Variants in ABL1 observed in about 807,000 individuals in gnomAD.
The protein encoded by ABL1 is ABL proto-oncogene 1, non-receptor tyrosine kinase.
ABL1 carries 11 observed loss-of-function variants against 94.7 expected under a neutral mutation model. The ratio of observed to expected loss-of-function variants is 0.12; its 90% CI spans 0.07 to 0.19. The LOEUF is 0.19. Among genes scored for constraint, ABL1 ranks in the 10% least tolerant of loss-of-function variants. The pLI, the probability that ABL1 is intolerant of heterozygous loss-of-function variation, is 1.00. For missense variants in ABL1, 1,082 were observed against 1,489.4 expected, an observed-to-expected ratio of 0.73 and a Z score of 4.50; for synonymous variants, 656 against 622.4, an observed-to-expected ratio of 1.05 and a Z score of -0.80.
At chr9:130,875,164 C>T (rs764192941) in intron 7 of ABL1, 112 bp downstream of exon 7, 19 of 1,194,616 alleles carry the variant, frequency 1.6e-5, no homozygotes, top group East Asian at 1.5e-4. Context: ...TTTTTTGAGA[C>T]GGAGTCTCAC....
intron 1 of ABL1, among the ~76,000 whole-genome samples, chr9:130,735,878 C>T (rs1277425140): frequency 1.6e-5 from 2 of 128,390 alleles, no homozygotes; most frequent in African/African-American, 6.5e-5. Context: ...TACCATTTTG[C>T]GTATGTCTGT....
At chr9:130,748,274 C>T (rs929099967) in intron 1 of ABL1, among the ~76,000 whole-genome samples, 4 of 152,164 alleles carry the variant, frequency 2.6e-5, no homozygotes, top group South Asian at 4.1e-4. Context: ...AAGCAGATCA[C>T]GCCTTTGTCG....
intron 1 of ABL1, among the ~76,000 whole-genome samples, chr9:130,717,167 T>C (rs1394849943): frequency 2.0e-5 from 3 of 151,960 alleles, no homozygotes; most frequent in Non-Finnish European, 4.4e-5. Context: ...CTCAGCCTCC[T>C]GAGTAGCTGG....
chr9:130,822,523 C>T (rs920057392), intron 1 of ABL1, among the ~76,000 whole-genome samples: 3 of 149,356 alleles, frequency 2.0e-5, no homozygotes, highest in African/African-American at 7.5e-5. Context: ...CTCAAGTGCT[C>T]CTCCCTAGTA....
At chr9:130,867,445 A>T (rs753394353) in intron 4 of ABL1, among the ~76,000 whole-genome samples, 3 of 152,156 alleles carry the variant, frequency 2.0e-5, no homozygotes, top group Admixed American at 6.5e-5. Flanking sequence ...CCTCATTTGC[A>T]TGTATGTGAA....
At chr9:130,839,625 C>T (rs1042458788) in intron 1 of ABL1, among the ~76,000 whole-genome samples, 1 of 152,192 alleles carries the variant, frequency 6.6e-6, no homozygotes, top group Non-Finnish European at 1.5e-5. Flanking sequence ...AATTTGGAGG[C>T]AGGAGATCCC....
At chr9:130,756,540 T>C (rs1319472697) in intron 1 of ABL1, among the ~76,000 whole-genome samples, 1 of 152,192 alleles carries the variant, frequency 6.6e-6, no homozygotes, top group Non-Finnish European at 1.5e-5. Context: ...GAGCTCTGTT[T>C]TACTCTGACA....
At position 130,835,769 on chromosome 9, in the gene ABL1, CTT is replaced by C. The variant is rs1274812301; in HGVS notation, c.79+246_79+247del. Among the ~76,000 whole-genome samples, 3 of 152,166 alleles carry C rather than the reference CTT, an allele frequency of 2.0e-5. No homozygotes were observed. Among genetic ancestry groups the C allele is most frequent in the Admixed American group, 1.3e-4 (2 of 15,280 alleles). On this transcript the variant is annotated intron_variant, in intron 1 of 10. Transcript: ENST00000318560. This position sits in a 1 kb window ranked among gnomAD's most constrained non-coding sequence, Gnocchi z 4.6. ...TCTCTCTTTTTCTCTCTCTCTGTCT[CTT>C]TCTCTTTCTCGCGATGGCCCCTAGG...
intron 1 of ABL1, among the ~76,000 whole-genome samples, chr9:130,718,254 G>T (rs1284907037): frequency 6.8e-6 from 1 of 146,840 alleles, no homozygotes; most frequent in Admixed American, 7.0e-5. Flanking sequence ...GGGGGAAGAG[G>T]TTGCAGTGAC....
At chr9:130,878,090 G>A (rs1447048930) in intron 7 of ABL1, among the ~76,000 whole-genome samples, 1 of 152,204 alleles carries the variant, frequency 6.6e-6, no homozygotes, top group African/African-American at 2.4e-5. Context: ...TGGGATTACA[G>A]GTGTGAGCCA....
chr9:130,878,950 T>C (rs1209549225), intron 8 of ABL1, among the ~76,000 whole-genome samples: 1 of 150,590 alleles, frequency 6.6e-6, no homozygotes. Flanking sequence ...CAATGTTGGC[T>C]CACTTCAACC....
rs1341109124 is a variant in ABL1 at position 130,878,718 on chromosome 9, A to G, written c.1423+151A>G. 4.3e-6 allele frequency: 4 copies of G among 932,914 alleles called. No individual in the cohort carries two copies. In the East Asian group the frequency reaches 7.6e-5, roughly 18 times the overall value. 57.8% of individuals were successfully genotyped at this position (932,914 alleles called of 1,614,324 possible). On this transcript the variant is annotated intron_variant, in intron 8 of 10. Transcript: ENST00000318560. ...CAGCTAATGTAGCCATTTGCTACCT[A>G]TTGACCTTTATTTACAGATAAATAG...
At chr9:130,774,318 G>C (rs181438123) in intron 1 of ABL1, among the ~76,000 whole-genome samples, 3 of 152,118 alleles carry the variant, frequency 2.0e-5, no homozygotes, top group Admixed American at 1.3e-4. Flanking sequence ...TTTTCCTTTG[G>C]GTAAATAGGA....
chr9:130,757,634 G>A (rs189204086), intron 1 of ABL1, among the ~76,000 whole-genome samples: 23 of 150,678 alleles, frequency 1.5e-4, no homozygotes, highest in Admixed American at 1.4e-3. Flanking sequence ...CGCCTCCTGG[G>A]TTCAAGTGAT....
chr9:130,873,499 AGT>A (rs1163302941), intron 6 of ABL1, among the ~76,000 whole-genome samples: 2 of 152,056 alleles, frequency 1.3e-5, no homozygotes, highest in African/African-American at 2.4e-5. Context: ...TTTGTTTTTT[AGT>A]GTGTGTGTCT....
At chr9:130,724,055 C>T (rs2132679595) in intron 1 of ABL1, among the ~76,000 whole-genome samples, 2 of 152,202 alleles carry the variant, frequency 1.3e-5, no homozygotes, top group Middle Eastern at 6.8e-3. Context: ...CGTTATCCAC[C>T]TGCCTTGGCC....
chr9:130,834,424 G>A (rs1194313638), upstream of ABL1, among the ~76,000 whole-genome samples: 1 of 152,228 alleles, frequency 6.6e-6, no homozygotes, highest in Non-Finnish European at 1.5e-5. Flanking sequence ...CTGGGTGTGC[G>A]CCAGTAACAC....
At chr9:130,742,287 A>G (rs554116127) in intron 1 of ABL1, among the ~76,000 whole-genome samples, 1 of 152,242 alleles carries the variant, frequency 6.6e-6, no homozygotes, top group Non-Finnish European at 1.5e-5. Context: ...TCGGTGATTA[A>G]TCCAGGTCAA....
intron 1 of ABL1, among the ~76,000 whole-genome samples, chr9:130,774,736 C>G (rs1459756638): frequency 3.3e-5 from 5 of 152,234 alleles, no homozygotes; most frequent in African/African-American, 1.2e-4. Context: ...GTCCCAGCTA[C>G]TTGAGGGGCT....
Sources: allele counts gnomAD v4.1 joint callset (sites outside exome capture counted in the v4.1 genomes callset), GRCh38; gene constraint gnomAD v4.1.1; non-coding constraint Gnocchi (gnomAD v3.1); transcripts MANE v1.5; gene names NCBI Gene and HGNC (gene_info 2026-07-23, HGNC 2026-07-21).